Variants in ZNF710 observed in about 807,000 individuals in gnomAD.
ZNF710 encodes zinc finger protein 710.
ZNF710 carries 13 observed loss-of-function variants against 50.6 expected under a neutral mutation model. The observed-to-expected ratio is 0.26, with a 90% confidence interval of 0.17 to 0.41. The LOEUF is 0.41. Ranked by LOEUF, ZNF710 falls within the 10% of genes least tolerant of loss-of-function variation. The probability of loss-of-function intolerance (pLI) is 1.00; values close to 1 mark genes in which losing one functional copy is unlikely to be tolerated. For missense variants in ZNF710, 721 were observed against 936.6 expected, an observed-to-expected ratio of 0.77 and a Z score of 3.01; for synonymous variants, 383 against 397.0, an observed-to-expected ratio of 0.96 and a Z score of 0.42.
At chr15:90,073,492 T>C (rs1175454426) in intron 3 of ZNF710, among the ~76,000 whole-genome samples, 1 of 152,016 alleles carries the variant, frequency 6.6e-6, no homozygotes, top group Non-Finnish European at 1.5e-5. Flanking sequence ...GGAGTGAAGG[T>C]CATGGTGCAG....
At chr15:90,021,933 T>C (rs751443049) in intron 1 of ZNF710, among the ~76,000 whole-genome samples, 3 of 151,890 alleles carry the variant, frequency 2.0e-5, no homozygotes, top group East Asian at 1.9e-4. Flanking sequence ...ATACAAAAAT[T>C]AGCCGGGCAT....
rs1244810713 is a variant in ZNF710, at chr15:90,074,309, A to G, written c.1825+19A>G. On this transcript the variant is annotated intron_variant, in intron 4 of 4. Coordinates refer to ENST00000268154, the MANE Select transcript of ZNF710 (RefSeq NM_198526.4). ...AGCCAAGGTGGGTGGGCCAAGCGCA[A>G]TGGACAGAGCAGGAATGATACCAAC... The G allele has an allele frequency of 6.2e-7, 1 of 1,610,602 alleles. No individual in the cohort carries two copies. The highest frequency in any genetic ancestry group is 8.5e-7 in the Non-Finnish European group (1 of 1,179,970).
At chr15:90,011,391 G>A (rs979505032) in intron 1 of ZNF710, among the ~76,000 whole-genome samples, 1 of 152,214 alleles carries the variant, frequency 6.6e-6, no homozygotes, top group Non-Finnish European at 1.5e-5. Flanking sequence ...TTACAGGTGT[G>A]AGCCACCGTG....
chr15:90,059,599 G>T lies in ZNF710; in HGVS notation c.-28-7511G>T, dbSNP rs1056363316. On this transcript the variant is annotated intron_variant, in intron 1 of 4. Coordinates refer to ENST00000268154, the MANE Select transcript of ZNF710 (RefSeq NM_198526.4). The surrounding 1 kb of genome is among the most constrained non-coding windows in gnomAD (Gnocchi z 4.1). ...GGGGAAGCAAGGCAGAGACAGGATC[G>T]CAGGAGGAAGAGACTCTCGAACTTC... 1.3e-5 allele frequency among the ~76,000 whole-genome samples: 2 copies of T among 152,050 alleles called. No homozygotes were observed. The highest frequency in any genetic ancestry group is 1.9e-4 in the East Asian group (1 of 5,172).
intron 1 of ZNF710, among the ~76,000 whole-genome samples, chr15:90,042,387 G>A (rs1899324808): frequency 6.6e-6 from 1 of 151,100 alleles, no homozygotes; most frequent in African/African-American, 2.4e-5. Context: ...TTGGCCCCAA[G>A]CACCTCAGGG....
intron 1 of ZNF710, among the ~76,000 whole-genome samples, chr15:90,053,507 C>A (rs551679526): frequency 7.3e-4 from 111 of 152,158 alleles, no homozygotes; most frequent in African/African-American, 2.6e-3. Context: ...GCCATCATGG[C>A]CTGTTAATAT....
At position 90,074,009 on chromosome 15, in the gene ZNF710, A is replaced by C. The variant is rs1000352547; in HGVS notation, c.1651-107A>C. The C allele has an allele frequency of 2.7e-5, 34 of 1,254,160 alleles. 1 individual carries two copies. The African/African-American group carries it at 5.5e-4, about 20-fold the overall frequency. 77.7% of individuals were successfully genotyped at this position (1,254,160 alleles called of 1,614,324 possible). A position where few individuals can be genotyped will look rare whatever the true frequency, so the allele number is the denominator to read the frequency against. Reference sequence around the variant, plus strand: ...TGTCTCAAAAAAAAAACAAAAAAAAAAAACAAAAGAATAGGATTCTGGCCC... The same window carrying C: ...TGTCTCAAAAAAAAAACAAAAAAAACAAACAAAAGAATAGGATTCTGGCCC... On this transcript the variant is annotated intron_variant, in intron 3 of 4. Coordinates refer to ENST00000268154, the MANE Select transcript of ZNF710 (RefSeq NM_198526.4).
chr15:90,018,557 C>A (rs996364624), intron 1 of ZNF710, among the ~76,000 whole-genome samples: 1 of 152,094 alleles, frequency 6.6e-6, no homozygotes, highest in Non-Finnish European at 1.5e-5. Flanking sequence ...TTTTTCGCCT[C>A]CTCTTTGAAT....
chr15:90,062,871 G>A lies in ZNF710; in HGVS notation c.-28-4239G>A, dbSNP rs889705132. ...GCACACACACACAGCCTGCCTGGCC[G>A]CCCCAGTGAACAAGACAACATGGAC... On this transcript the variant is annotated intron_variant, in intron 1 of 4. Coordinates refer to ENST00000268154, the MANE Select transcript of ZNF710 (RefSeq NM_198526.4). The surrounding 1 kb of genome is among the most constrained non-coding windows in gnomAD (Gnocchi z 5.6). 4.6e-5 allele frequency among the ~76,000 whole-genome samples: 7 copies of A among 152,126 alleles called. No homozygotes were observed. Among genetic ancestry groups the A allele is most frequent in the African/African-American group, 9.7e-5 (4 of 41,430 alleles).
At chr15:90,054,986 T>C (rs1175976433) in intron 1 of ZNF710, among the ~76,000 whole-genome samples, 1 of 152,176 alleles carries the variant, frequency 6.6e-6, no homozygotes, top group African/African-American at 2.4e-5. Context: ...ATGGGTATTC[T>C]CGAAAGGGCA....
intron 2 of ZNF710, among the ~76,000 whole-genome samples, chr15:90,071,279 C>G (rs940000144): frequency 1.6e-4 from 24 of 151,322 alleles, no homozygotes; most frequent in South Asian, 4.2e-4. Flanking sequence ...AAAAAAAAAT[C>G]CCAAGTCCAC....
At chr15:90,057,569 C>T (rs1899860227) in intron 1 of ZNF710, among the ~76,000 whole-genome samples, 1 of 151,944 alleles carries the variant, frequency 6.6e-6, no homozygotes, top group Non-Finnish European at 1.5e-5. Context: ...TGGTGGCGCG[C>T]TCCTGTAGTC....
intron 1 of ZNF710, among the ~76,000 whole-genome samples, chr15:90,058,534 C>T (rs917614899): frequency 5.3e-5 from 8 of 152,010 alleles, no homozygotes; most frequent in South Asian, 2.1e-4. Context: ...CTTTTCTGTA[C>T]GCTGGTGTCT....
At chr15:90,054,173 A>G (rs1278105115) in intron 1 of ZNF710, among the ~76,000 whole-genome samples, 1 of 152,190 alleles carries the variant, frequency 6.6e-6, no homozygotes, top group Admixed American at 6.5e-5. Flanking sequence ...TGGACTGTAC[A>G]CTGCGATGAG....
At chr15:90,070,744 AG>A (rs1900350902) in intron 2 of ZNF710, among the ~76,000 whole-genome samples, 1 of 152,042 alleles carries the variant, frequency 6.6e-6, no homozygotes, top group Non-Finnish European at 1.5e-5. Context: ...GCTTGAGCCC[AG>A]GAGGTCAAGG....
At chr15:90,004,812 G>A (rs1039683447) in intron 1 of ZNF710, among the ~76,000 whole-genome samples, 1 of 152,244 alleles carries the variant, frequency 6.6e-6, no homozygotes, top group Non-Finnish European at 1.5e-5. Flanking sequence ...CGCCGCACAC[G>A]AGTTGGGTAA....
chr15:90,022,451 G>A (rs1024714175), intron 1 of ZNF710, among the ~76,000 whole-genome samples: 2 of 152,220 alleles, frequency 1.3e-5, no homozygotes, highest in African/African-American at 4.8e-5. Context: ...CACTTGAGGA[G>A]TCCGAGGGGG....
At chr15:90,028,414 G>A (rs770062963) in intron 1 of ZNF710, among the ~76,000 whole-genome samples, 9 of 152,172 alleles carry the variant, frequency 5.9e-5, no homozygotes, top group Non-Finnish European at 1.0e-4. Flanking sequence ...TCTCTGAGAA[G>A]GTATTTAGGA....
At chr15:90,045,394 G>A in intron 1 of ZNF710, 1 of 985,384 alleles carries the variant, frequency 1.0e-6, no homozygotes, top group Non-Finnish European at 1.2e-6. Context: ...CGGCTGACAG[G>A]TTTGCCGTCT....
Sources: gnomAD v4.1 joint callset for allele counts (sites outside exome capture counted in the v4.1 genomes callset) on GRCh38, gnomAD v4.1.1 for gene constraint, Gnocchi (gnomAD v3.1) non-coding constraint, MANE v1.5 for transcripts, NCBI Gene and HGNC (gene_info 2026-07-23, HGNC 2026-07-21) for gene names.